LY9: variants seen among roughly 807,000 people sequenced by gnomAD.
The protein encoded by LY9 is T-lymphocyte surface antigen Ly-9.
A neutral mutation model predicts 64.6 loss-of-function variants in LY9; 59 were observed. The observed-to-expected ratio is 0.91, with a 90% confidence interval of 0.74 to 1.13. The LOEUF is 1.13. Among genes scored for constraint, LY9 ranks in the 50% most tolerant of loss-of-function variants. LY9 has a pLI of 0.00. For synonymous variants in LY9, 281 were observed against 308.5 expected, an observed-to-expected ratio of 0.91 and a Z score of 0.93; for missense variants, 789 against 797.2, an observed-to-expected ratio of 0.99 and a Z score of 0.12.
rs370415842 is a variant in LY9, at chr1:160,814,686, G to A, written c.997G>A (p.Gly333Ser). 76 of 1,614,020 alleles carry A rather than the reference G, an allele frequency of 4.7e-5. No individual in the cohort carries two copies. Among genetic ancestry groups the A allele is most frequent in the East Asian group, 8.9e-5 (4 of 44,900 alleles). ...CAGCCAGCTGAAGATAGAGGACGCC[G>A]GCCCCTACCATGCCTACGTGTGCTC... is the stretch of plus-strand genomic sequence containing the variant. ...KISQLKIEDA[G>S]PYHAYVCSEA... The change falls in exon 4 of 10, where the codon GGC becomes AGC. Residue 333 changes from glycine (G) to serine (S), a missense_variant. Coordinates refer to ENST00000263285, the MANE Select transcript of LY9 (RefSeq NM_002348.4).
chr1:160,798,527 C>A (rs1666119104), intron 1 of LY9, among the ~76,000 whole-genome samples: 1 of 152,140 alleles, frequency 6.6e-6, no homozygotes, highest in Non-Finnish European at 1.5e-5. Context: ...TCAAACCAAC[C>A]TCACATCAAC....
chr1:160,824,049 T>C, intron 8 of LY9, 132 bp from the exon 9 acceptor site: 1 of 1,104,468 alleles, frequency 9.1e-7, no homozygotes, highest in Non-Finnish European at 1.3e-6. Context: ...CCGTCCCCAC[T>C]GCACTAAGGC....
At chr1:160,825,635 C>T (rs773417633) in intron 9 of LY9, among the ~76,000 whole-genome samples, 3 of 152,170 alleles carry the variant, frequency 2.0e-5, no homozygotes, top group Non-Finnish European at 4.4e-5. Context: ...CTCGGCTGGG[C>T]GTGGTGGCTC....
intron 2 of LY9, chr1:160,811,221 C>T (rs1219900887): frequency 6.6e-6 from 1 of 152,226 alleles, no homozygotes; most frequent in Admixed American, 6.5e-5. Flanking sequence ...AAGGATAATA[C>T]ATATTTGCAG....
chr1:160,827,731 G>C lies in LY9; in HGVS notation c.1900-17G>C. The C allele has an allele frequency of 6.3e-7, 1 of 1,596,076 alleles. No individual in the cohort carries two copies. The highest frequency in any genetic ancestry group is 8.5e-7 in the Non-Finnish European group (1 of 1,170,304). On this transcript the variant is annotated splice_polypyrimidine_tract_variant and intron_variant, in intron 9 of 9. Coordinates refer to ENST00000263285, the MANE Select transcript of LY9 (RefSeq NM_002348.4). ...GGCTTTATTAACCATATTCTTTTGT[G>C]GATTTTTGGCTCACAGGTGGTGCCA...
chr1:160,815,019 G>A, intron 4 of LY9: 1 of 518,644 alleles, frequency 1.9e-6, no homozygotes, highest in Non-Finnish European at 3.5e-6. Context: ...TTAGGTGCTT[G>A]CCCCGGTCCT....
At chr1:160,824,979 CAAA>C (rs60603957) in intron 9 of LY9, among the ~76,000 whole-genome samples, 10 of 59,434 alleles carry the variant, frequency 1.7e-4, no homozygotes, top group Non-Finnish European at 2.2e-4. Flanking sequence ...GACTCCATCT[CAAA>C]AAAAAAAAAA....
At chr1:160,810,505 C>T (rs1667390423) in intron 2 of LY9, 1 of 152,164 alleles carries the variant, frequency 6.6e-6, no homozygotes, top group African/African-American at 2.4e-5. Flanking sequence ...TATTAGGGTT[C>T]ACCCTAACAA....
At chr1:160,803,195 T>A (rs909198082) in intron 2 of LY9, among the ~76,000 whole-genome samples, 18 of 152,062 alleles carry the variant, frequency 1.2e-4, no homozygotes, top group African/African-American at 4.1e-4. Context: ...GGCGGGAGAA[T>A]CACTTTAATC....
At chr1:160,821,895 C>T (rs1668482524) in intron 7 of LY9, among the ~76,000 whole-genome samples, 1 of 152,226 alleles carries the variant, frequency 6.6e-6, no homozygotes, top group Non-Finnish European at 1.5e-5. Flanking sequence ...CCTGGCCCTA[C>T]CACTTACTCG....
rs192782758 is a variant in LY9, at chr1:160,797,305, G to T, written c.124+994G>T. ...CACTAGAGATCTGAGAGCAGTGGGG[G>T]TTGGCAGTTGGTGCCTGAAGGGAGC... is the stretch of plus-strand genomic sequence containing the variant. On this transcript the variant is annotated intron_variant, in intron 1 of 9. Transcript: ENST00000263285. The T allele has an allele frequency of 6.1e-6, 6 of 985,244 alleles. No individual in the cohort carries two copies. The African/African-American group carries it at 1.0e-4, about 17-fold the overall frequency. 61.0% of individuals were successfully genotyped at this position (985,244 alleles called of 1,614,324 possible).
At chr1:160,797,058 T>C (rs1665952971) in intron 1 of LY9, 1 of 960,456 alleles carries the variant, frequency 1.0e-6, no homozygotes, top group Non-Finnish European at 1.2e-6. Context: ...ATGGGCAAGG[T>C]GGCGTTTATC....
Position 160,824,329 on chromosome 1 carries a change from G to A in LY9, c.1899+80G>A, listed in dbSNP as rs1023720981. On this transcript the variant is annotated intron_variant, in intron 9 of 9. Transcript: ENST00000263285. The stretch of plus-strand genomic sequence containing the variant: ...CTTAGACCCTTTGAACTGAAAATCC[G>A]AGATTCCCATGGCTAAGGATCTTAA... The A allele has an allele frequency of 4.8e-5, 76 of 1,584,428 alleles. No homozygotes were observed. The Admixed American group carries it at 6.7e-4, about 14-fold the overall frequency.
At chr1:160,799,531 T>A (rs1292233083) in intron 1 of LY9, 1 of 495,402 alleles carries the variant, frequency 2.0e-6, no homozygotes, top group African/African-American at 1.9e-5. Flanking sequence ...CCAGAAGATC[T>A]GTTTCACAGA....
chr1:160,814,689 C>A lies in LY9; in HGVS notation c.1000C>A (p.Pro334Thr). 6.2e-7 allele frequency: 1 copy of A among 1,614,174 alleles called. No individual in the cohort carries two copies. The highest frequency in any genetic ancestry group is 1.1e-5 in the South Asian group (1 of 91,084). Reference sequence around the variant, plus strand: ...CCAGCTGAAGATAGAGGACGCCGGCCCCTACCATGCCTACGTGTGCTCAGA... The same window carrying A: ...CCAGCTGAAGATAGAGGACGCCGGCACCTACCATGCCTACGTGTGCTCAGA... ...ISQLKIEDAG[P>T]YHAYVCSEAS... Residue 334 changes from proline (P) to threonine (T), a missense_variant, in exon 4 of 10, where the codon CCC (proline) becomes ACC (threonine). Physicochemically the swap from Pro to Thr is conservative, Grantham distance 38. Transcript: ENST00000263285.
Position 160,814,616 on chromosome 1 carries a change from C to G in LY9, c.927C>G (p.Tyr309Ter). 6.2e-7 allele frequency: 1 copy of G among 1,614,198 alleles called. No individual in the cohort carries two copies. Among genetic ancestry groups the G allele is most frequent in the Non-Finnish European group, 8.5e-7 (1 of 1,180,034 alleles). The change falls in exon 4 of 10, where the codon TAC becomes TAG. Residue 309 changes from tyrosine to a stop codon, truncating the protein, a stop_gained. Transcript: ENST00000263285. LOFTEE classifies it high-confidence loss of function. Reference protein sequence around the residue: ...ADPLIKSRDPYKNRVWVSSQD... With the variant: ...ADPLIKSRDP ...CACTCATTAAATCCAGGGATCCTTA[C>G]AAGAACAGGGTGTGGGTCTCCAGCC...
At chr1:160,801,459 C>T (rs1666470561) in intron 2 of LY9, among the ~76,000 whole-genome samples, 1 of 152,186 alleles carries the variant, frequency 6.6e-6, no homozygotes, top group African/African-American at 2.4e-5. Context: ...GATATTACTT[C>T]CCTGTCAGAT....
intron 2 of LY9, among the ~76,000 whole-genome samples, chr1:160,806,211 T>TTAA (rs902726824): frequency 1.3e-5 from 2 of 152,216 alleles, no homozygotes; most frequent in African/African-American, 4.8e-5. Context: ...CTGTATACTG[T>TTAA]TAATTATTTT....
At chr1:160,823,169 C>T (rs1252328433) in intron 7 of LY9, among the ~76,000 whole-genome samples, 2 of 152,188 alleles carry the variant, frequency 1.3e-5, no homozygotes, top group Non-Finnish European at 2.9e-5. Context: ...CTTTGTGTTT[C>T]CCCAGAGTAC....
Sources: gnomAD v4.1 joint callset for allele counts (sites outside exome capture counted in the v4.1 genomes callset) on GRCh38, gnomAD v4.1.1 for gene constraint, MANE v1.5 for transcripts, NCBI Gene and HGNC (gene_info 2026-07-23, HGNC 2026-07-21) for gene names.